KCNIP4: variants seen among roughly 807,000 people sequenced by gnomAD.
KCNIP4 encodes the protein potassium voltage-gated channel interacting protein 4, also known as Kv channel-interacting protein 4.
A neutral mutation model predicts 34.0 loss-of-function variants in KCNIP4; 12 were observed. That is an observed-to-expected ratio of 0.35 (90% confidence interval 0.23 to 0.57). The LOEUF (loss-of-function observed/expected upper bound fraction) is 0.57. KCNIP4 is among the 20% of genes least tolerant of loss of function. KCNIP4 has a pLI of 0.83. For missense variants in KCNIP4, 238 were observed against 311.7 expected (o/e 0.76, Z 1.78); for synonymous variants, 124 against 102.2 (o/e 1.21, Z -1.29).
At chr4:21,297,382 G>T (rs1027816814) in intron 1 of KCNIP4, among the ~76,000 whole-genome samples, 2 of 152,002 alleles carry the variant, frequency 1.3e-5, no homozygotes, top group Admixed American at 6.6e-5. Flanking sequence ...CTTTGTAATG[G>T]CACCTATTTC....
chr4:21,625,003 C>T (rs1001690233), intron 1 of KCNIP4, among the ~76,000 whole-genome samples: 10 of 152,186 alleles, frequency 6.6e-5, no homozygotes, highest in African/African-American at 2.2e-4. Context: ...ATGGCTGCAT[C>T]TATTTTTTTT....
intron 1 of KCNIP4, among the ~76,000 whole-genome samples, chr4:21,354,120 G>T (rs937482765): frequency 5.3e-5 from 8 of 152,122 alleles, no homozygotes; most frequent in African/African-American, 1.7e-4. Context: ...TCACCACCAG[G>T]CCTGCCCTAC....
intron 3 of KCNIP4, among the ~76,000 whole-genome samples, chr4:20,801,034 G>A (rs1305008816): frequency 6.6e-6 from 1 of 151,980 alleles, no homozygotes; most frequent in Non-Finnish European, 1.5e-5. Context: ...AGCAGCAAGA[G>A]AAAACATCAA....
intron 1 of KCNIP4, among the ~76,000 whole-genome samples, chr4:21,311,595 G>T (rs560453178): frequency 6.6e-6 from 1 of 151,900 alleles, no homozygotes; most frequent in African/African-American, 2.4e-5. Flanking sequence ...AGGCTGAGGC[G>T]GGAGAATCGC....
At chr4:21,855,804 A>G (rs7677731) in intron 1 of KCNIP4, 15,553 of 152,162 alleles carry the variant, frequency 0.1, 947 homozygotes, top group Non-Finnish European at 0.13. Context: ...TCTTGTTTGC[A>G]CCCTTGCCCT....
intron 1 of KCNIP4, among the ~76,000 whole-genome samples, chr4:21,790,619 C>T (rs1216233092): frequency 6.6e-6 from 1 of 151,510 alleles, no homozygotes; most frequent in Non-Finnish European, 1.5e-5. Context: ...AAAAAGAGAA[C>T]TTTCAACCAG....
chr4:21,898,221 C>A (rs959991725), intron 1 of KCNIP4, among the ~76,000 whole-genome samples: 1 of 152,160 alleles, frequency 6.6e-6, no homozygotes, highest in Non-Finnish European at 1.5e-5. Context: ...TGCCAAGCTG[C>A]AATTCCTGGG....
chr4:21,866,693 T>C (rs1054048023), intron 1 of KCNIP4, among the ~76,000 whole-genome samples: 1 of 151,910 alleles, frequency 6.6e-6, no homozygotes, highest in African/African-American at 2.4e-5. Context: ...GTATTTCTGT[T>C]TCAGAAAAAT....
chr4:21,447,995 T>G (rs1413108378), intron 1 of KCNIP4, among the ~76,000 whole-genome samples: 2 of 151,746 alleles, frequency 1.3e-5, no homozygotes, highest in Non-Finnish European at 2.9e-5. Flanking sequence ...AGGTTGACCA[T>G]GGGTCACTGG....
chr4:21,128,754 G>C (rs1227480482), intron 1 of KCNIP4, among the ~76,000 whole-genome samples: 1 of 152,134 alleles, frequency 6.6e-6, no homozygotes, highest in East Asian at 1.9e-4. Context: ...TATCAGTAAG[G>C]AGCACTATGA....
At chr4:21,349,669 T>A (rs1578112626) in intron 1 of KCNIP4, among the ~76,000 whole-genome samples, 1 of 152,152 alleles carries the variant, frequency 6.6e-6, no homozygotes, top group Non-Finnish European at 1.5e-5. Context: ...ACTGCTAACA[T>A]GGCAGCCACC....
intron 1 of KCNIP4, among the ~76,000 whole-genome samples, chr4:21,675,605 GA>G (rs563758061): frequency 1.5e-3 from 233 of 152,018 alleles, no homozygotes; most frequent in African/African-American, 5.4e-3. Context: ...TTTATTAAAA[GA>G]AAAGAAACAC....
intron 1 of KCNIP4, among the ~76,000 whole-genome samples, chr4:21,044,145 C>T (rs1282922749): frequency 6.6e-6 from 1 of 152,084 alleles, no homozygotes; most frequent in African/African-American, 2.4e-5. Context: ...GGGCAGTTTC[C>T]AGCTTTGTAT....
At chr4:21,138,360 A>G (rs2322872) in intron 1 of KCNIP4, among the ~76,000 whole-genome samples, 82,850 of 151,902 alleles carry the variant, frequency 0.55, 23,499 homozygotes, top group African/African-American at 0.7. Flanking sequence ...TTATATTCTT[A>G]TATATTTTCA....
At chr4:21,274,323 T>G (rs1358855083) in intron 1 of KCNIP4, among the ~76,000 whole-genome samples, 1 of 152,180 alleles carries the variant, frequency 6.6e-6, no homozygotes, top group Non-Finnish European at 1.5e-5. Context: ...GTGTACTGTT[T>G]GAAACTATAT....
chr4:21,489,833 A>G (rs748011796), intron 1 of KCNIP4, among the ~76,000 whole-genome samples: 2 of 152,130 alleles, frequency 1.3e-5, no homozygotes, highest in Non-Finnish European at 2.9e-5. Context: ...GAATGAGCTT[A>G]TATAAACACT....
At chr4:21,322,188 G>GGAAA (rs1381510121) in intron 1 of KCNIP4, among the ~76,000 whole-genome samples, 1 of 151,138 alleles carries the variant, frequency 6.6e-6, no homozygotes, top group Non-Finnish European at 1.5e-5. Flanking sequence ...AAGGAAGGAA[G>GGAAA]GAAATGAGGG....
At chr4:20,829,955 C>T (rs9762164) in intron 3 of KCNIP4, among the ~76,000 whole-genome samples, 112,922 of 151,856 alleles carry the variant, frequency 0.74, 42,126 homozygotes, top group South Asian at 0.8. Flanking sequence ...TAGCTCTCTT[C>T]GGATGTCTAA....
intron 1 of KCNIP4, among the ~76,000 whole-genome samples, chr4:21,442,995 C>T (rs1377311158): frequency 1.3e-5 from 2 of 152,156 alleles, no homozygotes. Flanking sequence ...CAGTTTGTTT[C>T]CACATTGCTT....
Sources: allele counts gnomAD v4.1 joint callset (sites outside exome capture counted in the v4.1 genomes callset), GRCh38; gene constraint gnomAD v4.1.1; transcripts MANE v1.5; gene names NCBI Gene and HGNC (gene_info 2026-07-23, HGNC 2026-07-21).